SLCO1B1: variants seen among roughly 807,000 people sequenced by gnomAD.
SLCO1B1 encodes the protein OATP-2.
SLCO1B1 carries 81 observed loss-of-function variants against 70.1 expected under a neutral mutation model. That is an observed-to-expected ratio of 1.16 (90% CI 0.97 to 1.39). The LOEUF (loss-of-function observed/expected upper bound fraction) is 1.39. Ranked by LOEUF, SLCO1B1 falls within the 40% of genes most tolerant of loss-of-function variation. The pLI is 0.00. For synonymous variants in SLCO1B1, 283 were observed against 271.5 expected (o/e 1.04, Z -0.42); for missense variants, 895 against 799.6 (o/e 1.12, Z -1.44).
At chr12:21,196,807 G>A in intron 7 of SLCO1B1, 139 bp from the exon 8 acceptor site, 1 of 801,652 alleles carries the variant, frequency 1.2e-6, no homozygotes, top group Non-Finnish European at 2.1e-6. Context: ...CCTAGTCTCA[G>A]AGATGACAAA....
chr12:21,203,556 G>T (rs1481128001), intron 10 of SLCO1B1, among the ~76,000 whole-genome samples: 1 of 151,930 alleles, frequency 6.6e-6, no homozygotes, highest in African/African-American at 2.4e-5. Context: ...ATGAGGTGTT[G>T]GTTTTAACTT....
At chr12:21,174,465 C>T (rs920012932) in intron 3 of SLCO1B1, 112 bp from the exon 4 acceptor site, 1 of 993,264 alleles carries the variant, frequency 1.0e-6, no homozygotes, top group Non-Finnish European at 1.6e-6. Context: ...ATCACATTGT[C>T]TTTGAGGGAA....
In SLCO1B1 at chr12:21,200,593, T is replaced by C. The variant is rs1288198540; in HGVS notation, c.1056T>C (p.Tyr352=). 2 of 1,612,016 alleles carry C rather than the reference T, an allele frequency of 1.2e-6. No homozygotes were observed. The highest frequency in any genetic ancestry group is 2.2e-5 in the East Asian group (1 of 44,738). The change falls in exon 9 of 15, where the codon TAT becomes TAC. Residue 352 remains tyrosine (Y), a synonymous_variant. Coordinates refer to ENST00000256958, the MANE Select transcript of SLCO1B1 (RefSeq NM_006446.5). ...TGACGTTGTTACAAGTAAGCAGCTA[T>C]ATTGGTGCTTTTACTTATGTCTTCA... The part of the protein sequence containing the change: ...VLLTLLQVSS[Y]IGAFTYVFKY...
chr12:21,193,628 A>T (rs1226010487), intron 7 of SLCO1B1, among the ~76,000 whole-genome samples: 1 of 151,954 alleles, frequency 6.6e-6, no homozygotes, highest in African/African-American at 2.4e-5. Flanking sequence ...TAGGTTGCAA[A>T]TTTTCCAAAC....
At chr12:21,151,685 G>A (rs183759647) in intron 2 of SLCO1B1, among the ~76,000 whole-genome samples, 193 of 152,148 alleles carry the variant, frequency 1.3e-3, no homozygotes, top group African/African-American at 4.4e-3. Flanking sequence ...CACCTTGCAA[G>A]GCTGATCTAA....
intron 7 of SLCO1B1, among the ~76,000 whole-genome samples, chr12:21,180,033 CT>C (rs376298425): frequency 2.1e-4 from 32 of 152,250 alleles, no homozygotes; most frequent in African/African-American, 7.7e-4. Context: ...TTTCTACCTA[CT>C]TTACTATAGA....
intron 11 of SLCO1B1, among the ~76,000 whole-genome samples, chr12:21,214,819 C>G (rs150897358): frequency 0.014 from 2,206 of 152,244 alleles, 23 homozygotes; most frequent in Non-Finnish European, 0.022. Context: ...GGGAGTGACC[C>G]GATTTTCCAG....
intron 11 of SLCO1B1, among the ~76,000 whole-genome samples, chr12:21,215,228 G>A (rs1285371679): frequency 1.3e-5 from 2 of 152,158 alleles, no homozygotes; most frequent in East Asian, 1.9e-4. Context: ...AATAGGAGTG[G>A]TGAGAGTGGG....
At chr12:21,224,243 T>C (rs775098411) in intron 13 of SLCO1B1, among the ~76,000 whole-genome samples, 2 of 151,716 alleles carry the variant, frequency 1.3e-5, no homozygotes, top group African/African-American at 4.8e-5. Context: ...GGAGTTCTGA[T>C]GAAGCACTCA....
At chr12:21,189,891 C>G (rs535179848) in intron 7 of SLCO1B1, among the ~76,000 whole-genome samples, 1 of 152,328 alleles carries the variant, frequency 6.6e-6, no homozygotes, top group South Asian at 2.1e-4. Context: ...ACTCTCTCAG[C>G]ATATTTCAAA....
intron 7 of SLCO1B1, among the ~76,000 whole-genome samples, chr12:21,186,771 T>G (rs1743540366): frequency 6.6e-6 from 1 of 152,090 alleles, no homozygotes; most frequent in Admixed American, 6.6e-5. Context: ...TATCTCATAT[T>G]GAAAATGAAA....
intron 11 of SLCO1B1, among the ~76,000 whole-genome samples, chr12:21,211,416 T>G (rs1941283051): frequency 6.6e-6 from 1 of 152,288 alleles, no homozygotes; most frequent in Admixed American, 6.5e-5. Context: ...GAAGCCCACT[T>G]GATCATGGTG....
chr12:21,144,328 T>C (rs559849373), intron 2 of SLCO1B1, among the ~76,000 whole-genome samples: 1 of 152,044 alleles, frequency 6.6e-6, no homozygotes, highest in Admixed American at 6.6e-5. Flanking sequence ...ATCTCAGAGT[T>C]TGAAGATTAC....
intron 2 of SLCO1B1, among the ~76,000 whole-genome samples, chr12:21,149,918 C>T (rs897383856): frequency 7.2e-5 from 11 of 152,244 alleles, no homozygotes; most frequent in Admixed American, 7.2e-4. Context: ...GTGGATCCCA[C>T]CCCCATAGAG....
At chr12:21,226,952 A>T (rs1466568561) in intron 14 of SLCO1B1, among the ~76,000 whole-genome samples, 1 of 152,176 alleles carries the variant, frequency 6.6e-6, no homozygotes, top group Non-Finnish European at 1.5e-5. Context: ...ATATAAAAAG[A>T]TGCTCAAATT....
At chr12:21,195,925 C>G (rs1439349808) in intron 7 of SLCO1B1, among the ~76,000 whole-genome samples, 3 of 152,102 alleles carry the variant, frequency 2.0e-5, no homozygotes, top group East Asian at 3.9e-4. Flanking sequence ...CAGGGATAAG[C>G]TGGAGATGCA....
intron 12 of SLCO1B1, among the ~76,000 whole-genome samples, chr12:21,221,733 G>A (rs1362723288): frequency 1.3e-5 from 2 of 152,010 alleles, no homozygotes; most frequent in Non-Finnish European, 2.9e-5. Context: ...CAGTCAGAAC[G>A]GCCATTACTA....
chr12:21,214,417 G>A (rs1023625087), intron 11 of SLCO1B1, among the ~76,000 whole-genome samples: 24 of 147,594 alleles, frequency 1.6e-4, no homozygotes, highest in Non-Finnish European at 2.4e-4. Context: ...CAGTGTGCCC[G>A]TTCTCAGATC....
At chr12:21,181,256 G>T (rs1388813474) in intron 7 of SLCO1B1, among the ~76,000 whole-genome samples, 1 of 152,126 alleles carries the variant, frequency 6.6e-6, no homozygotes, top group Non-Finnish European at 1.5e-5. Flanking sequence ...GACTGTGAGT[G>T]AGCCAAGAAA....
Sources: gnomAD v4.1 joint callset for allele counts (sites outside exome capture counted in the v4.1 genomes callset) on GRCh38, gnomAD v4.1.1 for gene constraint, MANE v1.5 for transcripts, NCBI Gene and HGNC (gene_info 2026-07-23, HGNC 2026-07-21) for gene names.